The following PCDH15 variants were observed in gnomAD, a reference collection of about 807,000 sequenced individuals.
PCDH15 encodes protocadherin related 15.
Under a neutral mutation model 178.5 loss-of-function variants are expected in PCDH15, and 129 were observed. That is an observed-to-expected ratio of 0.72 (90% CI 0.63 to 0.84). The LOEUF (loss-of-function observed/expected upper bound fraction) is 0.84, where lower values mean the gene tolerates loss of function less well. Among genes scored for constraint, PCDH15 ranks in the 40% least tolerant of loss-of-function variants. PCDH15 has a pLI of 0.00. For missense variants in PCDH15, 2,230 were observed against 2,099.9 expected (o/e 1.06, Z -1.21); for synonymous variants, 800 against 732.0 (o/e 1.09, Z -1.50).
intron 18 of PCDH15, among the ~76,000 whole-genome samples, chr10:54,045,457 A>C (rs11004017): frequency 0.47 from 71,852 of 151,870 alleles, 17,386 homozygotes; most frequent in Middle Eastern, 0.64. Flanking sequence ...TTTGATGAAA[A>C]AGATGAGAGA....
chr10:54,936,418 A>G (rs1310768099), intron 2 of PCDH15, among the ~76,000 whole-genome samples: 1 of 151,986 alleles, frequency 6.6e-6, no homozygotes, highest in African/African-American at 2.4e-5. Flanking sequence ...GCTCTGTCAT[A>G]AGGGCAAGTT....
At chr10:53,839,203 A>AAAG (rs144328391) in intron 29 of PCDH15, among the ~76,000 whole-genome samples, 3 of 32,400 alleles carry the variant, frequency 9.3e-5, no homozygotes, top group African/African-American at 8.1e-4. Flanking sequence ...TCTCCGTCTC[A>AAAG]AAAAAAAAAA....
At chr10:54,415,816 T>C (rs1205324218) in intron 3 of PCDH15, among the ~76,000 whole-genome samples, 2 of 152,064 alleles carry the variant, frequency 1.3e-5, no homozygotes, top group Non-Finnish European at 2.9e-5. Flanking sequence ...AAATGGGAAA[T>C]GTTGTATGAT....
chr10:55,020,631 AG>A (rs1238969274), intron 2 of PCDH15, among the ~76,000 whole-genome samples: 1 of 152,182 alleles, frequency 6.6e-6, no homozygotes, highest in African/African-American at 2.4e-5. Context: ...ATTAAGCCAG[AG>A]GGAAAAGTCA....
intron 10 of PCDH15, among the ~76,000 whole-genome samples, chr10:54,200,251 G>A (rs1215557683): frequency 7.0e-6 from 1 of 143,100 alleles, no homozygotes; most frequent in African/African-American, 2.6e-5. Context: ...ATTATTTATT[G>A]TGCATCTACA....
At chr10:54,278,891 A>G (rs1340091802) in intron 8 of PCDH15, among the ~76,000 whole-genome samples, 1 of 151,600 alleles carries the variant, frequency 6.6e-6, no homozygotes, top group Non-Finnish European at 1.5e-5. Flanking sequence ...AATTCTTCTT[A>G]GTTCGAGACT....
At chr10:55,346,488 A>C (rs1317193696) in intron 2 of PCDH15, among the ~76,000 whole-genome samples, 1 of 152,142 alleles carries the variant, frequency 6.6e-6, no homozygotes, top group Non-Finnish European at 1.5e-5. Flanking sequence ...TGGATCCAGC[A>C]AAATTTATCA....
intron 2 of PCDH15, among the ~76,000 whole-genome samples, chr10:54,998,106 A>T (rs1224364797): frequency 1.3e-5 from 2 of 152,168 alleles, no homozygotes; most frequent in Non-Finnish European, 2.9e-5. Context: ...ATATGTTCTT[A>T]TTGAAAAAAA....
chr10:54,301,444 T>C (rs921500976), intron 8 of PCDH15, among the ~76,000 whole-genome samples: 2 of 152,190 alleles, frequency 1.3e-5, no homozygotes, highest in African/African-American at 4.8e-5. Flanking sequence ...GTTTGTTTTC[T>C]GGAAAACAAA....
At chr10:53,815,014 T>C (rs935736795) in intron 35 of PCDH15, among the ~76,000 whole-genome samples, 16 of 150,194 alleles carry the variant, frequency 1.1e-4, no homozygotes, top group African/African-American at 3.7e-4. Context: ...GTCAGATCCA[T>C]GAGTCAACCT....
chr10:54,387,052 C>G (rs1950017945), intron 3 of PCDH15, among the ~76,000 whole-genome samples: 1 of 149,390 alleles, frequency 6.7e-6, no homozygotes, highest in Non-Finnish European at 1.5e-5. Context: ...CTTGATTTAA[C>G]CATTCTACAA....
intron 1 of PCDH15, among the ~76,000 whole-genome samples, chr10:55,223,692 T>C (rs1239260774): frequency 2.0e-5 from 3 of 152,156 alleles, no homozygotes; most frequent in Admixed American, 6.5e-5. Flanking sequence ...CAACCAGGCC[T>C]TGTCAATGAA....
chr10:54,176,904 G>A (rs952679829), intron 13 of PCDH15, among the ~76,000 whole-genome samples: 3 of 151,846 alleles, frequency 2.0e-5, no homozygotes, highest in Admixed American at 6.6e-5. Context: ...ATATGATCCA[G>A]CAATCCCACT....
chr10:55,004,729 C>A (rs980841922), intron 2 of PCDH15, among the ~76,000 whole-genome samples: 1 of 152,128 alleles, frequency 6.6e-6, no homozygotes, highest in East Asian at 1.9e-4. Context: ...ACTTGAATAA[C>A]CCTCTTCCCT....
At chr10:55,526,460 A>G (rs1163583902) in intron 2 of PCDH15, among the ~76,000 whole-genome samples, 1 of 152,006 alleles carries the variant, frequency 6.6e-6, no homozygotes, top group Admixed American at 6.6e-5. Context: ...CCCAGAATGT[A>G]ATTAATATTT....
At chr10:54,630,052 G>A (rs2093660035) in intron 2 of PCDH15, among the ~76,000 whole-genome samples, 2 of 152,076 alleles carry the variant, frequency 1.3e-5, no homozygotes, top group South Asian at 4.1e-4. Context: ...ATTTCTAGAA[G>A]GAGAATTACA....
chr10:54,017,750 C>T (rs2092787741), intron 20 of PCDH15, among the ~76,000 whole-genome samples: 1 of 151,866 alleles, frequency 6.6e-6, no homozygotes, highest in African/African-American at 2.4e-5. Flanking sequence ...TCATGCAATA[C>T]ACTTATGTAA....
Position 55,590,141 on chromosome 10 carries a change from G to T in PCDH15, c.-156+37484C>A, listed in dbSNP as rs1414655503. Among the ~76,000 whole-genome samples, 11 of 151,608 alleles carry T rather than the reference G, an allele frequency of 7.3e-5. 1 individual carries two copies. Among genetic ancestry groups the T allele is most frequent in the South Asian group, 6.3e-4 (3 of 4,782 alleles). ...TGGAATACTATGCAGCCATAAAAAA[G>T]GATGAGTTCATGTCCTTTATAGGGA... On this transcript the variant is annotated intron_variant, in intron 2 of 5. Coordinates refer to the PCDH15 transcript ENST00000613346.
chr10:54,759,506 T>C (rs1283105703), intron 1 of PCDH15, among the ~76,000 whole-genome samples: 1 of 152,246 alleles, frequency 6.6e-6, no homozygotes, highest in Admixed American at 6.5e-5. Flanking sequence ...TCTCTTGATA[T>C]AGAAACAACC....
Sources: allele counts gnomAD v4.1 joint callset (sites outside exome capture counted in the v4.1 genomes callset), GRCh38; gene constraint gnomAD v4.1.1; transcripts MANE v1.5; gene names NCBI Gene and HGNC (gene_info 2026-07-23, HGNC 2026-07-21).